MB21D2: variants seen among roughly 807,000 people sequenced by gnomAD.
MB21D2 encodes the protein nucleotidyltransferase MB21D2.
In MB21D2, 9 loss-of-function variants were observed where a neutral mutation model predicts 33.3. The ratio of observed to expected loss-of-function variants is 0.27; its 90% CI spans 0.16 to 0.47. The LOEUF (loss-of-function observed/expected upper bound fraction) is 0.47, where lower values mean the gene tolerates loss of function less well. Among genes scored for constraint, MB21D2 ranks in the 20% least tolerant of loss-of-function variants. The pLI is 0.99. For synonymous variants in MB21D2, 241 were observed against 236.3 expected, an observed-to-expected ratio of 1.02 and a Z score of -0.18; for missense variants, 540 against 624.6, an observed-to-expected ratio of 0.86 and a Z score of 1.44.
chr3:192,888,813 A>C (rs1713788233), intron 1 of MB21D2, among the ~76,000 whole-genome samples: 1 of 152,070 alleles, frequency 6.6e-6, no homozygotes, highest in Non-Finnish European at 1.5e-5. Context: ...CTAAAATGTT[A>C]ATTCTTAGCT....
At chr3:192,872,445 G>GGGC (rs1713326901) in intron 1 of MB21D2, among the ~76,000 whole-genome samples, 1 of 151,594 alleles carries the variant, frequency 6.6e-6, no homozygotes, top group South Asian at 2.1e-4. Context: ...ACGTGGTGGC[G>GGGC]AGCGCCTGTA....
At chr3:192,889,056 C>A (rs1713794099) in intron 1 of MB21D2, among the ~76,000 whole-genome samples, 1 of 152,052 alleles carries the variant, frequency 6.6e-6, no homozygotes, top group Admixed American at 6.6e-5. Flanking sequence ...AAAGAACCCA[C>A]CCAAGTCCCT....
chr3:192,875,379 G>T (rs1713408233), intron 1 of MB21D2, among the ~76,000 whole-genome samples: 1 of 152,162 alleles, frequency 6.6e-6, no homozygotes, highest in Non-Finnish European at 1.5e-5. Context: ...AATATATGGT[G>T]AAAGAAAACA....
chr3:192,811,417 G>T (rs1395977704), intron 1 of MB21D2, among the ~76,000 whole-genome samples: 2 of 152,118 alleles, frequency 1.3e-5, no homozygotes, highest in Non-Finnish European at 2.9e-5. Flanking sequence ...AATAATTCTT[G>T]ATGACATTAC....
chr3:192,871,933 T>A (rs947121445), intron 1 of MB21D2, among the ~76,000 whole-genome samples: 1 of 152,136 alleles, frequency 6.6e-6, no homozygotes, highest in African/African-American at 2.4e-5. Flanking sequence ...GATAGAGACA[T>A]CACGTGGTGC....
At chr3:192,842,364 G>GCTAC (rs1281570079) in intron 1 of MB21D2, among the ~76,000 whole-genome samples, 1 of 152,204 alleles carries the variant, frequency 6.6e-6, no homozygotes, top group Non-Finnish European at 1.5e-5. Context: ...TGAGGACAAA[G>GCTAC]CTACCACAGG....
In MB21D2 at chr3:192,823,430, G is replaced by T. The variant is rs185248128; in HGVS notation, c.212-23780C>A. ...GCACTTTGGGAGGCCGAGGCAGGTG[G>T]ATCACCTGAGGTTGGGAGTTCAAGA... On this transcript the variant is annotated intron_variant, in intron 1 of 1. Transcript: ENST00000392452. 2.0e-4 allele frequency among the ~76,000 whole-genome samples: 30 copies of T among 152,254 alleles called. No homozygotes were observed. The East Asian group carries it at 5.8e-3, about 29-fold the overall frequency.
chr3:192,915,200 G>A (rs982153063), intron 1 of MB21D2, among the ~76,000 whole-genome samples: 24 of 152,042 alleles, frequency 1.6e-4, no homozygotes, highest in South Asian at 4.1e-4. Context: ...CCTGAAATGA[G>A]GGCCTGGTAC....
At chr3:192,810,411 T>C (rs1470513638) in intron 1 of MB21D2, among the ~76,000 whole-genome samples, 8 of 147,824 alleles carry the variant, frequency 5.4e-5, no homozygotes, top group Non-Finnish European at 1.2e-4. Context: ...AAGCCTCCTC[T>C]AAAGGACTTA....
intron 1 of MB21D2, among the ~76,000 whole-genome samples, chr3:192,856,458 G>A (rs1712918483): frequency 6.6e-6 from 1 of 152,186 alleles, no homozygotes; most frequent in African/African-American, 2.4e-5. Flanking sequence ...GCACCAGGAA[G>A]AAAAGACCCA....
intron 1 of MB21D2, among the ~76,000 whole-genome samples, chr3:192,833,290 A>G (rs1007692788): frequency 3.9e-5 from 6 of 152,348 alleles, no homozygotes; most frequent in Middle Eastern, 3.4e-3. Context: ...TTAAGAGACT[A>G]AACAAAAAAT....
Position 192,917,739 on chromosome 3 carries a change from C to T in MB21D2, c.102G>A (p.Glu34=). 3 of 1,614,124 alleles carry T rather than the reference C, an allele frequency of 1.9e-6. No individual in the cohort carries two copies. The highest frequency in any genetic ancestry group is 2.2e-5 in the South Asian group (2 of 91,070). The change falls in exon 1 of 2, where the codon GAG becomes GAA. Residue 34 remains glutamate, a synonymous_variant. Coordinates refer to ENST00000392452, the MANE Select transcript of MB21D2 (RefSeq NM_178496.4). ...ATTCTTGGATGAGTTTGTTCAATTC[C>T]TCCACCCGAGCTCCCGACCTGAAAT... is the stretch of plus-strand genomic sequence containing the variant. The part of the protein sequence containing the change: ...ELDFRSGARV[E]ELNKLIQEFT...
At chr3:192,829,805 C>A (rs1192843706) in intron 1 of MB21D2, among the ~76,000 whole-genome samples, 1 of 152,228 alleles carries the variant, frequency 6.6e-6, no homozygotes, top group African/African-American at 2.4e-5. Flanking sequence ...CAGCTCACTG[C>A]AGCTTCAACC....
chr3:192,806,954 C>A lies in MB21D2; in HGVS notation c.212-7304G>T, dbSNP rs150653983. On this transcript the variant is annotated intron_variant, in intron 1 of 1. Coordinates refer to ENST00000392452, the MANE Select transcript of MB21D2 (RefSeq NM_178496.4). The stretch of plus-strand genomic sequence containing the variant: ...CACTGTGGGCCTTGGTTTCCTTAAA[C>A]AAAATTGTAGAATAACAACTGGTAC... Among the ~76,000 whole-genome samples the A allele has an allele frequency of 1.6e-3, 249 of 152,170 alleles. 2 individuals carry two copies. The highest frequency in any genetic ancestry group is 5.6e-3 in the African/African-American group (233 of 41,528).
At chr3:192,868,035 G>T (rs575971761) in intron 1 of MB21D2, among the ~76,000 whole-genome samples, 39 of 152,284 alleles carry the variant, frequency 2.6e-4, no homozygotes, top group Non-Finnish European at 4.7e-4. Context: ...TTTGTACCCT[G>T]TCTGAATTTC....
intron 1 of MB21D2, among the ~76,000 whole-genome samples, chr3:192,893,787 C>T (rs1713905682): frequency 6.6e-6 from 1 of 152,142 alleles, no homozygotes; most frequent in African/African-American, 2.4e-5. Context: ...GTAATCTCAG[C>T]ACTTTGGGAG....
intron 1 of MB21D2, among the ~76,000 whole-genome samples, chr3:192,908,830 T>C (rs1383632880): frequency 6.6e-6 from 1 of 152,128 alleles, no homozygotes; most frequent in Non-Finnish European, 1.5e-5. Flanking sequence ...CTGTAGAACC[T>C]GGGACATTTA....
intron 1 of MB21D2, among the ~76,000 whole-genome samples, chr3:192,849,420 C>T (rs1328547980): frequency 6.6e-6 from 1 of 151,820 alleles, no homozygotes; most frequent in Non-Finnish European, 1.5e-5. Flanking sequence ...CGGGTTCAAG[C>T]GATTCTCCTG....
Position 192,917,750 on chromosome 3 carries a change from C to T in MB21D2, c.91G>A (p.Ala31Thr). ...AGTTTGTTCAATTCCTCCACCCGAGCTCCCGACCTGAAATCCAGCTCCGGG... is the reference window on the plus strand; with the variant it reads ...AGTTTGTTCAATTCCTCCACCCGAGTTCCCGACCTGAAATCCAGCTCCGGG... Reference protein sequence around the residue: ...AFPELDFRSGARVEELNKLIQ... With the variant: ...AFPELDFRSGTRVEELNKLIQ... Residue 31 changes from alanine (A) to threonine (T), a missense_variant, in exon 1 of 2, where the codon GCT becomes ACT. By Grantham distance (58) the Ala-to-Thr change is moderately conservative. Transcript: ENST00000392452. 1 of 1,614,098 alleles carries T rather than the reference C, an allele frequency of 6.2e-7. No homozygotes were observed. The highest frequency in any genetic ancestry group is 1.7e-4 in the Middle Eastern group (1 of 5,960).
Sources: allele counts gnomAD v4.1 joint callset (sites outside exome capture counted in the v4.1 genomes callset), GRCh38; gene constraint gnomAD v4.1.1; transcripts MANE v1.5; gene names NCBI Gene and HGNC (gene_info 2026-07-23, HGNC 2026-07-21).